The following STARD9 variants were observed in gnomAD, a reference collection of about 807,000 sequenced individuals.
The protein encoded by STARD9 is StAR related lipid transfer domain containing 9.
In STARD9, 346 loss-of-function variants were observed where a neutral mutation model predicts 399.8. The observed-to-expected ratio is 0.87, with a 90% CI of 0.79 to 0.95. The LOEUF (loss-of-function observed/expected upper bound fraction) is 0.95, where lower values mean the gene tolerates loss of function less well. Among genes scored for constraint, STARD9 ranks in the 40% least tolerant of loss-of-function variants. The pLI is 0.00. For synonymous variants in STARD9, 2,203 were observed against 2,143.5 expected (o/e 1.03, Z -0.77); for missense variants, 5,832 against 5,667.5 (o/e 1.03, Z -0.93).
At chr15:42,589,659 C>T (rs140192774) in intron 3 of STARD9, among the ~76,000 whole-genome samples, 430 of 150,564 alleles carry the variant, frequency 2.9e-3, no homozygotes, top group African/African-American at 9.8e-3. Context: ...TAGGCTGGAG[C>T]GCAGTGGTGC....
intron 7 of STARD9, among the ~76,000 whole-genome samples, 188 bp downstream of exon 7, chr15:42,639,000 T>C (rs574638045): frequency 6.7e-6 from 1 of 150,214 alleles, no homozygotes; most frequent in Non-Finnish European, 1.5e-5. Context: ...TACAATCTAG[T>C]GGGTGTGAGT....
rs1029664783 is a variant in STARD9 at position 42,685,765 on chromosome 15, C to G, written c.4187C>G (p.Ser1396Cys). The G allele has an allele frequency of 1.8e-5, 27 of 1,537,220 alleles. No individual in the cohort carries two copies. The highest frequency in any genetic ancestry group is 2.4e-5 in the Non-Finnish European group (27 of 1,146,944). The change falls in exon 23 of 33, where the codon TCC becomes TGC. Residue 1396 changes from serine to cysteine, a missense_variant. Coordinates refer to ENST00000290607, the MANE Select transcript of STARD9 (RefSeq NM_020759.3). ...GCAGAAACGGTTCTGCCATATAGCTCCAAACTGCACCAAGGCAGTACTGAG... is the reference window on the plus strand; with the variant it reads ...GCAGAAACGGTTCTGCCATATAGCTGCAAACTGCACCAAGGCAGTACTGAG... ...SDAETVLPYS[S>C]KLHQGSTELL... is the part of the protein sequence containing the mutation.
At position 42,604,862 on chromosome 15, in the gene STARD9, C is replaced by CT. The variant is rs1415422491; in HGVS notation, c.234+19226dup. 3.9e-5 allele frequency among the ~76,000 whole-genome samples: 6 copies of CT among 151,966 alleles called. No homozygotes were observed. In the East Asian group the frequency reaches 1.2e-3, roughly 29 times the overall value. ...CTCACTATGTTGCTCAGGCTGGTCT[C>CT]TAACTCCTGGGCTCAAGTGATCCAT... On this transcript the variant is annotated intron_variant, in intron 3 of 32. Coordinates refer to ENST00000290607, the MANE Select transcript of STARD9 (RefSeq NM_020759.3).
intron 1 of STARD9, among the ~76,000 whole-genome samples, chr15:42,580,985 A>C (rs1294199659): frequency 6.6e-6 from 1 of 152,228 alleles, no homozygotes; most frequent in Non-Finnish European, 1.5e-5. Context: ...TTTGGCACCC[A>C]GAGGAAGAGT....
chr15:42,590,620 A>G (rs539661047), intron 3 of STARD9, among the ~76,000 whole-genome samples: 27 of 152,280 alleles, frequency 1.8e-4, no homozygotes, highest in South Asian at 8.3e-4. Flanking sequence ...AGGCTTAGTA[A>G]TTTATAAAGA....
At chr15:42,614,140 G>A (rs777217476) in intron 3 of STARD9, among the ~76,000 whole-genome samples, 4 of 151,772 alleles carry the variant, frequency 2.6e-5, no homozygotes, top group Non-Finnish European at 2.9e-5. Context: ...GTGAAACCCC[G>A]TCTCTACTAA....
chr15:42,636,353 C>T (rs550843345), intron 4 of STARD9, among the ~76,000 whole-genome samples: 6 of 152,132 alleles, frequency 3.9e-5, no homozygotes, highest in African/African-American at 7.2e-5. Context: ...GAGGCTGAGG[C>T]GGGCAGATCA....
chr15:42,589,534 A>C (rs2058352525), intron 3 of STARD9, among the ~76,000 whole-genome samples: 1 of 152,154 alleles, frequency 6.6e-6, no homozygotes, highest in African/African-American at 2.4e-5. Context: ...GAACGTCATA[A>C]AAATGGAATC....
intron 9 of STARD9, among the ~76,000 whole-genome samples, chr15:42,658,116 C>T (rs1301404328): frequency 8.5e-5 from 13 of 152,054 alleles, no homozygotes; most frequent in Admixed American, 7.2e-4. Flanking sequence ...AAATTGAAAT[C>T]GAGTTAATCA....
intron 26 of STARD9, among the ~76,000 whole-genome samples, chr15:42,712,097 A>ATT (rs58494140): frequency 0.063 from 13 of 206 alleles, 2 homozygotes; most frequent in Non-Finnish European, 0.11. Flanking sequence ...ATATATATAT[A>ATT]ATATATAATA....
intron 26 of STARD9, among the ~76,000 whole-genome samples, chr15:42,702,078 G>C (rs956680168): frequency 6.7e-6 from 1 of 149,494 alleles, no homozygotes; most frequent in South Asian, 2.1e-4. Flanking sequence ...CCCCTTCCTC[G>C]CTAACAGATA....
rs1181122158 is a variant in STARD9, at chr15:42,690,225, G to C, written c.8647G>C (p.Gly2883Arg). 1.3e-6 allele frequency: 2 copies of C among 1,537,616 alleles called. No individual in the cohort carries two copies. Among genetic ancestry groups the C allele is most frequent in the Non-Finnish European group, 1.7e-6 (2 of 1,147,004 alleles). ...CVQCKESVGS[G>R]LTEVCRAGSK... ...GCAGTGTAAGGAGAGTGTTGGGTCT[G>C]GGTTGACAGAAGTCTGCAGGGCTGG... The change falls in exon 23 of 33, where the codon GGG (glycine) becomes CGG (arginine). Residue 2883 changes from glycine (G) to arginine (R), a missense_variant. Physicochemically the swap from Gly to Arg is moderately radical, Grantham distance 125. Coordinates refer to ENST00000290607, the MANE Select transcript of STARD9 (RefSeq NM_020759.3).
chr15:42,706,830 T>G (rs2061097998), intron 26 of STARD9, among the ~76,000 whole-genome samples: 1 of 152,218 alleles, frequency 6.6e-6, no homozygotes, highest in African/African-American at 2.4e-5. Context: ...TATAGCATAT[T>G]CTTATCCAGA....
Position 42,685,223 on chromosome 15 carries a change from G to T in STARD9, c.3645G>T (p.Gly1215=), listed in dbSNP as rs2140230274. 6.5e-7 allele frequency: 1 copy of T among 1,537,248 alleles called. No homozygotes were observed. Residue 1215 remains glycine (G), a synonymous_variant, in exon 23 of 33, where the codon GGG becomes GGT. Coordinates refer to ENST00000290607, the MANE Select transcript of STARD9 (RefSeq NM_020759.3). ...DSLIDAEEEL[G]EDQQEEPFPG... is the part of the protein sequence containing the mutation. ...TGATTGATGCAGAGGAAGAACTGGG[G>T]GAAGATCAGCAAGAAGAACCTTTCC... is the stretch of plus-strand genomic sequence containing the variant.
chr15:42,674,388 C>G, intron 16 of STARD9, 52 bp from the exon 17 acceptor site: 1 of 1,399,918 alleles, frequency 7.1e-7, no homozygotes, highest in Admixed American at 2.0e-5. Flanking sequence ...TCCTGTAGGG[C>G]AAGGCTCTGT....
intron 9 of STARD9, among the ~76,000 whole-genome samples, chr15:42,655,066 G>C (rs914685984): frequency 2.6e-5 from 4 of 152,202 alleles, no homozygotes; most frequent in Non-Finnish European, 5.9e-5. Flanking sequence ...CGGATCACTT[G>C]AGGTCAGGAG....
At chr15:42,674,093 C>T (rs2060260483) in intron 16 of STARD9, 4 of 434,362 alleles carry the variant, frequency 9.2e-6, no homozygotes, top group South Asian at 6.9e-5. Flanking sequence ...CTTTCTCGGA[C>T]TAGAGAATTT....
intron 7 of STARD9, among the ~76,000 whole-genome samples, chr15:42,641,856 G>A (rs776593960): frequency 1.3e-5 from 2 of 151,444 alleles, no homozygotes; most frequent in Non-Finnish European, 2.9e-5. Context: ...CACCTGCCTC[G>A]GCCTCCCAAA....
At chr15:42,660,118 T>C (rs1310419275) in intron 9 of STARD9, among the ~76,000 whole-genome samples, 4 of 152,220 alleles carry the variant, frequency 2.6e-5, no homozygotes, top group Non-Finnish European at 4.4e-5. Flanking sequence ...CGATTCTATT[T>C]ATATGAAACA....
Sources: allele counts gnomAD v4.1 joint callset (sites outside exome capture counted in the v4.1 genomes callset), GRCh38; gene constraint gnomAD v4.1.1; transcripts MANE v1.5; gene names NCBI Gene and HGNC (gene_info 2026-07-23, HGNC 2026-07-21).